The following PPP3CA variants were observed in gnomAD, a reference collection of about 807,000 sequenced individuals.
PPP3CA encodes CAM-PRP catalytic subunit.
In PPP3CA, 14 loss-of-function variants were observed where a neutral mutation model predicts 66.5. That is an observed-to-expected ratio of 0.21 (90% CI 0.14 to 0.33). PPP3CA has a LOEUF of 0.33. Among genes scored for constraint, PPP3CA ranks in the 10% least tolerant of loss-of-function variants. The pLI, the probability that PPP3CA is intolerant of heterozygous loss-of-function variation, is 1.00. For missense variants in PPP3CA, 317 were observed against 639.5 expected (o/e 0.50, Z 5.44); for synonymous variants, 232 against 226.2 (o/e 1.03, Z -0.23).
At chr4:101,161,766 TAAGAG>T (rs1351164339) in intron 2 of PPP3CA, among the ~76,000 whole-genome samples, 1 of 152,176 alleles carries the variant, frequency 6.6e-6, no homozygotes, top group Non-Finnish European at 1.5e-5. Context: ...AGTTGATGTG[TAAGAG>T]AAAAGTCATT....
At chr4:101,277,791 A>G (rs887802981) in intron 1 of PPP3CA, among the ~76,000 whole-genome samples, 5 of 152,186 alleles carry the variant, frequency 3.3e-5, no homozygotes, top group Non-Finnish European at 5.9e-5. Flanking sequence ...TGCTGGCTGC[A>G]AACAGGGTTT....
chr4:101,307,615 A>C (rs1041845090), intron 1 of PPP3CA, among the ~76,000 whole-genome samples: 1 of 152,218 alleles, frequency 6.6e-6, no homozygotes, highest in Non-Finnish European at 1.5e-5. Context: ...ACAACTGGTC[A>C]TAAGTCCAGT....
chr4:101,235,990 T>C (rs1466837116), intron 1 of PPP3CA, among the ~76,000 whole-genome samples: 1 of 151,104 alleles, frequency 6.6e-6, no homozygotes, highest in Admixed American at 6.6e-5. Flanking sequence ...GAAAGACCAT[T>C]ATATTACCAC....
chr4:101,121,438 A>G (rs951817266), intron 2 of PPP3CA, among the ~76,000 whole-genome samples: 1 of 152,124 alleles, frequency 6.6e-6, no homozygotes, highest in Non-Finnish European at 1.5e-5. Context: ...GTTTTAAGAC[A>G]TAAGTGTCTT....
chr4:101,040,663 T>C, intron 10 of PPP3CA, 97 bp from the exon 11 acceptor site: 2 of 935,114 alleles, frequency 2.1e-6, no homozygotes, highest in South Asian at 2.1e-5. Flanking sequence ...GTAAGCAAAA[T>C]CAGTATTTTT....
At chr4:101,084,185 T>A (rs548280235) in intron 6 of PPP3CA, among the ~76,000 whole-genome samples, 1 of 152,168 alleles carries the variant, frequency 6.6e-6, no homozygotes, top group Non-Finnish European at 1.5e-5. Flanking sequence ...GAACTTAAAC[T>A]ATATACCATT....
At chr4:101,093,285 G>T (rs1490672880) in intron 6 of PPP3CA, among the ~76,000 whole-genome samples, 1 of 152,074 alleles carries the variant, frequency 6.6e-6, no homozygotes, top group African/African-American at 2.4e-5. Flanking sequence ...TGATTAGTCA[G>T]TAACCATCAA....
rs11935220 is a variant in PPP3CA at position 101,207,251 on chromosome 4, C to G, written c.59-11135G>C. Among the ~76,000 whole-genome samples the G allele has an allele frequency of 2.9e-3, 441 of 152,212 alleles. 6 individuals are homozygous for G. The highest frequency in any genetic ancestry group is 9.7e-3 in the African/African-American group (401 of 41,522). On this transcript the variant is annotated intron_variant, in intron 1 of 13. Transcript: ENST00000394854. ...TTTCAGAAAGCAGTTCAAATATTTC[C>G]TTTAAAGGAACATTTTCCTAGTTTA...
chr4:101,278,144 A>AAAAT (rs1553937793), intron 1 of PPP3CA, among the ~76,000 whole-genome samples: 2 of 145,176 alleles, frequency 1.4e-5, no homozygotes, highest in African/African-American at 2.6e-5. Flanking sequence ...AAAAAATAAA[A>AAAAT]AAATTAAAAA....
chr4:101,252,193 A>G (rs1239028415), intron 1 of PPP3CA, among the ~76,000 whole-genome samples: 1 of 152,200 alleles, frequency 6.6e-6, no homozygotes, highest in Non-Finnish European at 1.5e-5. Context: ...TTCAAACTCT[A>G]GTTTGATTCT....
intron 2 of PPP3CA, among the ~76,000 whole-genome samples, chr4:101,109,656 C>CAAAA (rs33932766): frequency 2.9e-5 from 3 of 103,958 alleles, no homozygotes; most frequent in African/African-American, 3.4e-5. Flanking sequence ...ACCACTAAGG[C>CAAAA]AAAAAAAAAA....
intron 10 of PPP3CA, among the ~76,000 whole-genome samples, chr4:101,048,224 C>T (rs1727853043): frequency 6.6e-6 from 1 of 152,128 alleles, no homozygotes; most frequent in African/African-American, 2.4e-5. Context: ...AGCCAAGGTG[C>T]CTTCTCAGGC....
intron 1 of PPP3CA, among the ~76,000 whole-genome samples, chr4:101,223,009 T>G (rs1479384326): frequency 6.6e-6 from 1 of 151,770 alleles, no homozygotes; most frequent in African/African-American, 2.4e-5. Context: ...TTAATGCACA[T>G]TACTTTCAAT....
intron 3 of PPP3CA, among the ~76,000 whole-genome samples, chr4:101,100,305 C>T (rs767218901): frequency 6.6e-6 from 1 of 152,004 alleles, no homozygotes; most frequent in African/African-American, 2.4e-5. Flanking sequence ...CAATGCTTTG[C>T]CTCCTCATTT....
At chr4:101,079,652 C>T (rs1024963110) in intron 8 of PPP3CA, among the ~76,000 whole-genome samples, 8 of 152,140 alleles carry the variant, frequency 5.3e-5, no homozygotes, top group Admixed American at 1.3e-4. Flanking sequence ...AAGCCACACT[C>T]GGACATGCTG....
At chr4:101,277,524 A>G (rs927727879) in intron 1 of PPP3CA, among the ~76,000 whole-genome samples, 1 of 152,234 alleles carries the variant, frequency 6.6e-6, no homozygotes, top group African/African-American at 2.4e-5. Context: ...TTCAGATAAT[A>G]TAGTATGCAA....
chr4:101,106,279 C>G (rs762702359), intron 3 of PPP3CA, among the ~76,000 whole-genome samples: 10 of 150,878 alleles, frequency 6.6e-5, no homozygotes, highest in Admixed American at 5.3e-4. Flanking sequence ...TATGACTGTG[C>G]CACTGCAGAG....
intron 2 of PPP3CA, among the ~76,000 whole-genome samples, chr4:101,148,745 G>T (rs763998836): frequency 7.2e-5 from 11 of 152,056 alleles, no homozygotes; most frequent in Non-Finnish European, 1.3e-4. Flanking sequence ...TCAGACCCAG[G>T]AAAGGACAAG....
chr4:101,313,110 T>G lies in PPP3CA; in HGVS notation c.58+33629A>C, dbSNP rs545010254. On this transcript the variant is annotated intron_variant, in intron 1 of 13. Coordinates refer to ENST00000394854, the MANE Select transcript of PPP3CA (RefSeq NM_000944.5). Reference sequence around the variant, plus strand: ...TGTCCTTACTTATTACTAAAGATCCTATGGGTAGGACTGTATTTTTTTTTA... The same window carrying G: ...TGTCCTTACTTATTACTAAAGATCCGATGGGTAGGACTGTATTTTTTTTTA... Among the ~76,000 whole-genome samples, 6 of 152,294 alleles carry G rather than the reference T, an allele frequency of 3.9e-5. No individual in the cohort carries two copies. The East Asian group carries it at 9.7e-4, about 25-fold the overall frequency.
Sources: gnomAD v4.1 joint callset for allele counts (sites outside exome capture counted in the v4.1 genomes callset) on GRCh38, gnomAD v4.1.1 for gene constraint, MANE v1.5 for transcripts, NCBI Gene and HGNC (gene_info 2026-07-23, HGNC 2026-07-21) for gene names.